SERPINB8: variants seen among roughly 807,000 people sequenced by gnomAD.
SERPINB8 encodes the protein serpin B8.
In SERPINB8, 25 loss-of-function variants were observed where a neutral mutation model predicts 35.3. The ratio of observed to expected loss-of-function variants is 0.71; its 90% CI spans 0.52 to 0.99. The LOEUF (loss-of-function observed/expected upper bound fraction) is 0.99. SERPINB8 is among the 50% of genes least tolerant of loss of function. The pLI is 0.00. For synonymous variants in SERPINB8, 186 were observed against 160.8 expected (o/e 1.16, Z -1.19); for missense variants, 484 against 446.5 (o/e 1.08, Z -0.76).
chr18:63,971,232 G>A (rs2050474782), intron 1 of SERPINB8, among the ~76,000 whole-genome samples: 1 of 152,192 alleles, frequency 6.6e-6, no homozygotes, highest in African/African-American at 2.4e-5. Flanking sequence ...AAATTCCACA[G>A]AAATAGGTGG....
intron 4 of SERPINB8, among the ~76,000 whole-genome samples, chr18:63,983,005 A>G (rs2050695284): frequency 6.6e-5 from 10 of 151,342 alleles, no homozygotes; most frequent in Admixed American, 6.6e-4. Flanking sequence ...TCCTTGTCTG[A>G]TGAGGTTTGA....
At chr18:64,019,335 T>A (rs2050965204) in exon 8 of SERPINB8, 1 of 152,254 alleles carries the variant, frequency 6.6e-6, no homozygotes, top group African/African-American at 2.4e-5. Context: ...TACTGATACA[T>A]CTCATAATCT....
At chr18:64,015,803 G>T (rs1339155520) in intron 7 of SERPINB8, among the ~76,000 whole-genome samples, 2 of 152,154 alleles carry the variant, frequency 1.3e-5, no homozygotes, top group East Asian at 3.9e-4. Flanking sequence ...TCTCTCATTA[G>T]AATGAAGCCC....
rs2050803933 is a variant in SERPINB8 at position 63,989,128 on chromosome 18, A to G, written c.*1850A>G. ...TTAATTTGCATTTTTAAAGAAATTT[A>G]CATACATGGAACCATACATCATCTA... On this transcript the variant is annotated 3_prime_UTR_variant, in exon 7 of 7. Coordinates refer to ENST00000397985, the MANE Select transcript of SERPINB8 (RefSeq NM_002640.4). The G allele has an allele frequency of 6.6e-6, 1 of 152,258 alleles. No homozygotes were observed. Among genetic ancestry groups the G allele is most frequent in the Admixed American group, 6.5e-5 (1 of 15,288 alleles). The allele number at this position is 152,258 out of a possible 1,614,324, so 9.4% of individuals were successfully genotyped here.
chr18:63,985,933 T>TA (rs2050746411), intron 6 of SERPINB8, among the ~76,000 whole-genome samples: 1 of 152,146 alleles, frequency 6.6e-6, no homozygotes, highest in African/African-American at 2.4e-5. Flanking sequence ...ACATGGTAAA[T>TA]ACTCCCACCA....
intron 2 of SERPINB8, 57 bp downstream of exon 2, chr18:63,978,533 CA>C (rs1239410347): frequency 6.3e-7 from 1 of 1,585,674 alleles, no homozygotes; most frequent in Non-Finnish European, 8.6e-7. Context: ...TGCTTCCATA[CA>C]GCTGTCTTTC....
chr18:63,997,569 T>C (rs1205797563), intron 1 of SERPINB8, among the ~76,000 whole-genome samples: 1 of 152,202 alleles, frequency 6.6e-6, no homozygotes, highest in African/African-American at 2.4e-5. Context: ...GGTGCAGCTG[T>C]CATACAACCT....
At chr18:63,978,206 C>G in intron 1 of SERPINB8, 93 bp from the exon 2 acceptor site, 1 of 1,376,184 alleles carries the variant, frequency 7.3e-7, no homozygotes. Context: ...CTTCCACCTA[C>G]CACCTCAGCG....
At chr18:63,971,796 A>G (rs1427111065) in intron 1 of SERPINB8, among the ~76,000 whole-genome samples, 1 of 152,162 alleles carries the variant, frequency 6.6e-6, no homozygotes, top group Non-Finnish European at 1.5e-5. Flanking sequence ...CTCAAGTTCA[A>G]ACTCCTAAAT....
downstream of SERPINB8, among the ~76,000 whole-genome samples, chr18:64,008,167 G>A (rs951370128): frequency 6.6e-6 from 1 of 152,026 alleles, no homozygotes; most frequent in Non-Finnish European, 1.5e-5. Context: ...AAGAGGTGTG[G>A]AAAAAACATT....
At chr18:64,018,871 A>G (rs1018140296) in intron 7 of SERPINB8, 3 of 152,200 alleles carry the variant, frequency 2.0e-5, no homozygotes, top group African/African-American at 7.2e-5. Context: ...AAAACAAACA[A>G]AGTCAAAGAG....
intron 1 of SERPINB8, among the ~76,000 whole-genome samples, chr18:64,004,150 CT>C (rs5825545): frequency 0.59 from 89,927 of 151,872 alleles, 26,923 homozygotes; most frequent in East Asian, 0.69. Context: ...TTGCCTATAT[CT>C]TTTTTGGAGA....
At chr18:64,015,521 A>AT (rs1020049138) in intron 7 of SERPINB8, among the ~76,000 whole-genome samples, 1 of 152,058 alleles carries the variant, frequency 6.6e-6, no homozygotes, top group Non-Finnish European at 1.5e-5. Flanking sequence ...CTGCATTGAG[A>AT]TTTTTCATTA....
chr18:64,014,147 G>A (rs1214020106), intron 7 of SERPINB8, among the ~76,000 whole-genome samples: 2 of 152,054 alleles, frequency 1.3e-5, no homozygotes, highest in Admixed American at 6.6e-5. Flanking sequence ...AAGAGATGAG[G>A]GATATTAATT....
chr18:63,972,231 A>G lies in SERPINB8; in HGVS notation c.-11+2061A>G, dbSNP rs964564560. 3.9e-5 allele frequency among the ~76,000 whole-genome samples: 6 copies of G among 152,130 alleles called. No homozygotes were observed. In the South Asian group the frequency reaches 1.2e-3, roughly 31 times the overall value. On this transcript the variant is annotated intron_variant, in intron 1 of 6. Transcript: ENST00000397985. ...TCACCACCTTCCTGAGTTTCATGAT[A>G]ATAACGACATAGTTTTACTGTCTAC...
intron 3 of SERPINB8, among the ~76,000 whole-genome samples, chr18:63,981,199 C>T (rs1266763607): frequency 6.6e-6 from 1 of 152,194 alleles, no homozygotes; most frequent in Non-Finnish European, 1.5e-5. Context: ...TCCCATGGGG[C>T]CTTCCTTGCT....
chr18:63,985,221 C>G lies in SERPINB8; in HGVS notation c.696C>G (p.Pro232=). The change falls in exon 6 of 7, where the codon CCC becomes CCG. Residue 232 remains proline (P), a synonymous_variant. Transcript: ENST00000397985. ...EEELSMVILL[P]DDNTDLAVVE... ...AGCTGAGCATGGTCATTCTGCTTCCCGATGACAACACGGACCTCGCCGTGG... is the reference window on the plus strand; with the variant it reads ...AGCTGAGCATGGTCATTCTGCTTCCGGATGACAACACGGACCTCGCCGTGG... 1 of 1,614,146 alleles carries G rather than the reference C, an allele frequency of 6.2e-7. No homozygotes were observed. Among genetic ancestry groups the G allele is most frequent in the Non-Finnish European group, 8.5e-7 (1 of 1,180,016 alleles).
chr18:63,986,225 T>C, intron 6 of SERPINB8: 2 of 1,608,440 alleles, frequency 1.2e-6, no homozygotes, highest in Non-Finnish European at 1.7e-6. Flanking sequence ...AAGGCCTTTC[T>C]CCCTTTTTTC....
intron 1 of SERPINB8, among the ~76,000 whole-genome samples, chr18:63,998,337 G>C (rs911936960): frequency 6.6e-6 from 1 of 152,116 alleles, no homozygotes; most frequent in African/African-American, 2.4e-5. Context: ...TGAATACATT[G>C]TATCTAATAA....
Sources: gnomAD v4.1 joint callset for allele counts (sites outside exome capture counted in the v4.1 genomes callset) on GRCh38, gnomAD v4.1.1 for gene constraint, MANE v1.5 for transcripts, NCBI Gene and HGNC (gene_info 2026-07-23, HGNC 2026-07-21) for gene names.